The following HPR variants were observed in gnomAD, a reference collection of about 807,000 sequenced individuals.
HPR encodes the protein Haptoglobin-related locus.
In HPR, 17 loss-of-function variants were observed where a neutral mutation model predicts 18.5. That is an observed-to-expected ratio of 0.92 (90% CI 0.63 to 1.38). HPR has a LOEUF of 1.38. Among genes scored for constraint, HPR ranks in the 40% most tolerant of loss-of-function variants. The probability of loss-of-function intolerance (pLI) is 0.00; values close to 1 mark genes in which losing one functional copy is unlikely to be tolerated. For synonymous variants in HPR, 176 were observed against 165.0 expected, an observed-to-expected ratio of 1.07 and a Z score of -0.51; for missense variants, 457 against 432.4, an observed-to-expected ratio of 1.06 and a Z score of -0.51.
At position 72,068,149 on chromosome 16, in the gene HPR, T is replaced by C. The variant is rs1160479157; in HGVS notation, c.5+4889T>C. ...TGCCTGCTTCAATATGTCGATGATA[T>C]TCTCATATCTGGTGAGGATATAGAG... On this transcript the variant is annotated intron_variant, in intron 1 of 4. Transcript: ENST00000540303. Among the ~76,000 whole-genome samples the C allele has an allele frequency of 3.9e-5, 6 of 152,336 alleles. 1 individual carries two copies. The East Asian group carries it at 1.2e-3, about 29-fold the overall frequency.
intron 2 of HPR, 89 bp downstream of exon 2, chr16:72,074,066 A>G (rs2041688937): frequency 7.1e-6 from 11 of 1,544,800 alleles, no homozygotes; most frequent in Non-Finnish European, 8.0e-6. Context: ...TTCTTTGAGA[A>G]CACACAGTTC....
rs1386514112 is a variant in HPR, at chr16:72,074,358, T to C, written c.166T>C (p.Tyr56His). Residue 56 changes from tyrosine to histidine, a missense_variant, in exon 3 of 5, where the codon TAC becomes CAC. Physicochemically the swap from Tyr to His is moderately conservative, Grantham distance 83. Transcript: ENST00000540303. Reference protein sequence around the residue: ...EHLFRYQCKNYYRLRTEGDGV... With the variant: ...EHLFRYQCKNHYRLRTEGDGV... ...CTTGTTTCGCTACCAGTGTAAGAAC[T>C]ACTACAGACTGCGCACAGAAGGAGA... 3 of 1,613,682 alleles carry C rather than the reference T, an allele frequency of 1.9e-6. No homozygotes were observed. In the South Asian group the frequency reaches 3.3e-5, roughly 18 times the overall value.
chr16:72,073,504 G>GAGGTCC (rs1249396447), intron 1 of HPR, among the ~76,000 whole-genome samples: 1 of 152,240 alleles, frequency 6.6e-6, no homozygotes, highest in South Asian at 2.1e-4. Context: ...GTGACTGAGG[G>GAGGTCC]AGGTTTCTCT....
chr16:72,075,042 T>C (rs2041703297), intron 3 of HPR, 103 bp from the exon 4 acceptor site: 3 of 1,005,156 alleles, frequency 3.0e-6, no homozygotes, highest in South Asian at 2.7e-5. Context: ...GTCTGCCTCC[T>C]TTCTTCTTCT....
intron 1 of HPR, among the ~76,000 whole-genome samples, chr16:72,067,267 G>T (rs777636432): frequency 6.6e-6 from 1 of 152,114 alleles, no homozygotes; most frequent in African/African-American, 2.4e-5. Context: ...ATTTTTGGTT[G>T]ATTCAGGAGC....
At chr16:72,070,268 C>T (rs929561939) in intron 1 of HPR, among the ~76,000 whole-genome samples, 13 of 152,192 alleles carry the variant, frequency 8.5e-5, no homozygotes, top group Non-Finnish European at 1.8e-4. Flanking sequence ...TTCCTACATT[C>T]AAAATAAAAG....
At chr16:72,073,728 A>G in intron 1 of HPR, 164 bp from the exon 2 acceptor site, 1 of 1,540,272 alleles carries the variant, frequency 6.5e-7, no homozygotes, top group Non-Finnish European at 8.7e-7. Context: ...TAGCACTTCC[A>G]TATATTGATT....
chr16:72,073,970 T>C lies in HPR; in HGVS notation c.84T>C (p.Asp28=). 3 of 1,614,062 alleles carry C rather than the reference T, an allele frequency of 1.9e-6. No individual in the cohort carries two copies. The highest frequency in any genetic ancestry group is 2.5e-6 in the Non-Finnish European group (3 of 1,180,004). The change falls in exon 2 of 5, where the codon GAT becomes GAC. Residue 28 remains aspartate (D), a synonymous_variant. Transcript: ENST00000540303. ...FALYSGNDVT[D]ISDDRFPKPP... ...TGTACTCAGGCAATGATGTCACGGA[T>C]ATTTCAGGTCAGTCTTTGAGTTGGG...
chr16:72,072,766 A>G (rs887313839), intron 1 of HPR, among the ~76,000 whole-genome samples: 6 of 152,142 alleles, frequency 3.9e-5, no homozygotes, highest in Admixed American at 1.3e-4. Flanking sequence ...CGTTCCAGTG[A>G]GCTTTTTCTT....
At chr16:72,065,330 G>C (rs1242272151) in intron 1 of HPR, among the ~76,000 whole-genome samples, 1 of 152,006 alleles carries the variant, frequency 6.6e-6, no homozygotes, top group African/African-American at 2.4e-5. Context: ...GCCACAGAAA[G>C]CTCCAGACAG....
chr16:72,071,039 A>T (rs540658565), intron 1 of HPR, among the ~76,000 whole-genome samples: 1 of 152,304 alleles, frequency 6.6e-6, no homozygotes, highest in Non-Finnish European at 1.5e-5. Context: ...ATATTCAAAC[A>T]GTATGGATTA....
chr16:72,072,296 C>G (rs2041666136), intron 1 of HPR, among the ~76,000 whole-genome samples: 2 of 152,212 alleles, frequency 1.3e-5, no homozygotes, highest in Admixed American at 6.5e-5. Context: ...GCATCAGCCA[C>G]TGTGCCCAGC....
At chr16:72,066,792 T>G (rs1338997293) in intron 1 of HPR, among the ~76,000 whole-genome samples, 2 of 152,032 alleles carry the variant, frequency 1.3e-5, no homozygotes, top group Admixed American at 6.6e-5. Context: ...TCAGAGAAGC[T>G]CAAAAGGTGT....
chr16:72,076,349 G>T lies in HPR; in HGVS notation c.315G>T (p.Leu105=), dbSNP rs776255500. 6.2e-7 allele frequency: 1 copy of T among 1,613,802 alleles called. No homozygotes were observed. Among genetic ancestry groups the T allele is most frequent in the Non-Finnish European group, 8.5e-7 (1 of 1,179,906 alleles). ...CGGCAAACCCAGTGCAGCGGATCCTGGGTGGACACCTGGATGCCAAAGGCA... is the reference window on the plus strand; with the variant it reads ...CGGCAAACCCAGTGCAGCGGATCCTTGGTGGACACCTGGATGCCAAAGGCA... ...KNPANPVQRI[L]GGHLDAKGSF... The change falls in exon 5 of 5, where the codon CTG becomes CTT. Residue 105 remains leucine (L), a synonymous_variant. Coordinates refer to ENST00000540303, the MANE Select transcript of HPR (RefSeq NM_020995.4).
chr16:72,070,580 CCCAA>C (rs1026269121), intron 1 of HPR, among the ~76,000 whole-genome samples: 3 of 152,184 alleles, frequency 2.0e-5, no homozygotes, highest in African/African-American at 7.2e-5. Flanking sequence ...CAGGGCTCAC[CCCAA>C]CCAAATTAAC....
intron 1 of HPR, among the ~76,000 whole-genome samples, chr16:72,072,383 G>C (rs1317527093): frequency 1.3e-5 from 2 of 152,166 alleles, no homozygotes; most frequent in Non-Finnish European, 2.9e-5. Flanking sequence ...CAAATGGCCT[G>C]GGAAAATAAA....
In HPR at chr16:72,076,606, T is replaced by C. The variant is rs2041728896; in HGVS notation, c.572T>C (p.Leu191Pro). ...HPNYHQVDIG[L>P]IKLKQKVLVN... ...AACTACCACCAGGTAGATATTGGGCTCATCAAACTCAAACAGAAGGTGCTT... is the reference window on the plus strand; with the variant it reads ...AACTACCACCAGGTAGATATTGGGCCCATCAAACTCAAACAGAAGGTGCTT... The change falls in exon 5 of 5, where the codon CTC (leucine) becomes CCC (proline). Residue 191 changes from leucine to proline, a missense_variant. Transcript: ENST00000540303. The C allele has an allele frequency of 9.3e-6, 15 of 1,614,212 alleles. No homozygotes were observed. In the East Asian group the frequency reaches 3.3e-4, roughly 36 times the overall value.
At position 72,063,251 on chromosome 16, in the gene HPR, C is replaced by T. The variant is rs2041561139; in HGVS notation, c.-5C>T. 1 of 1,593,304 alleles carries T rather than the reference C, an allele frequency of 6.3e-7. No homozygotes were observed. The highest frequency in any genetic ancestry group is 1.1e-5 in the South Asian group (1 of 88,046). The stretch of plus-strand genomic sequence containing the variant: ...ACTGCTCTTCCAGAGGCAAGACCAA[C>T]CAAGATGAGGTGGGTCCACAGCTTT... On this transcript the variant is annotated 5_prime_UTR_variant, in exon 1 of 5. Coordinates refer to ENST00000540303, the MANE Select transcript of HPR (RefSeq NM_020995.4).
Position 72,076,657 on chromosome 16 carries a change from G to C in HPR, c.623G>C (p.Cys208Ser), listed in dbSNP as rs1284996391. The change falls in exon 5 of 5, where the codon TGC (cysteine) becomes TCC (serine). Residue 208 changes from cysteine (C) to serine (S), a missense_variant. By Grantham distance (112) the Cys-to-Ser change is moderately radical. Coordinates refer to ENST00000540303, the MANE Select transcript of HPR (RefSeq NM_020995.4). Reference protein sequence around the residue: ...VLVNERVMPICLPSKNYAEVG... With the variant: ...VLVNERVMPISLPSKNYAEVG... ...GTTAATGAGAGAGTGATGCCCATCT[G>C]CCTACCTTCAAAGAATTATGCAGAA... 1 of 1,614,194 alleles carries C rather than the reference G, an allele frequency of 6.2e-7. No homozygotes were observed. The highest frequency in any genetic ancestry group is 8.5e-7 in the Non-Finnish European group (1 of 1,180,048).
Sources: gnomAD v4.1 joint callset for allele counts (sites outside exome capture counted in the v4.1 genomes callset) on GRCh38, gnomAD v4.1.1 for gene constraint, MANE v1.5 for transcripts, NCBI Gene and HGNC (gene_info 2026-07-23, HGNC 2026-07-21) for gene names.